Variants in SLCO6A1 observed in about 807,000 individuals in gnomAD.
SLCO6A1 encodes solute carrier organic anion transporter family member 6A1, also known as cancer/testis antigen 48.
A neutral mutation model predicts 72.7 loss-of-function variants in SLCO6A1; 65 were observed. That is an observed-to-expected ratio of 0.89 (90% confidence interval 0.73 to 1.10). The LOEUF (loss-of-function observed/expected upper bound fraction) is 1.10, where lower values mean the gene tolerates loss of function less well. Ranked by LOEUF, SLCO6A1 falls within the 50% of genes least tolerant of loss-of-function variation. The probability of loss-of-function intolerance (pLI) is 0.00; values close to 1 mark genes in which losing one functional copy is unlikely to be tolerated. For missense variants in SLCO6A1, 874 were observed against 872.6 expected (o/e 1.00, Z -0.02); for synonymous variants, 314 against 298.2 (o/e 1.05, Z -0.55).
At chr5:102,457,565 C>T (rs1299521471) in intron 6 of SLCO6A1, among the ~76,000 whole-genome samples, 4 of 152,176 alleles carry the variant, frequency 2.6e-5, no homozygotes, top group Non-Finnish European at 5.9e-5. Context: ...CCATCACACA[C>T]CAGTTAGAAT....
chr5:102,448,334 G>A (rs2112715054), intron 6 of SLCO6A1, among the ~76,000 whole-genome samples: 1 of 152,312 alleles, frequency 6.6e-6, no homozygotes, highest in Non-Finnish European at 1.5e-5. Context: ...CAGATGAGAA[G>A]AATGTATATT....
In SLCO6A1 at chr5:102,373,369, C is replaced by T. The variant is rs372939815; in HGVS notation, c.2143G>A (p.Glu715Lys). Residue 715 changes from glutamate to lysine, a missense_variant, in exon 13 of 14, where the codon GAA becomes AAA. Glu to Lys is a moderately conservative substitution (Grantham distance 56, BLOSUM62 1). Coordinates refer to ENST00000506729, the MANE Select transcript of SLCO6A1 (RefSeq NM_173488.5). ...TGATCCAGTTACAAGTCAGTTTCTT[C>T]TTTTTTCTTAACTTTTGGATTCTTC... ...TVKNPKVKKK[E>K]ETDL The T allele has an allele frequency of 1.3e-6, 2 of 1,563,354 alleles. No individual in the cohort carries two copies. Among genetic ancestry groups the T allele is most frequent in the Non-Finnish European group, 1.7e-6 (2 of 1,159,480 alleles).
chr5:102,437,946 CT>C (rs1561461272), intron 7 of SLCO6A1, among the ~76,000 whole-genome samples: 1 of 152,098 alleles, frequency 6.6e-6, no homozygotes, highest in African/African-American at 2.4e-5. Flanking sequence ...TTTGCAACCT[CT>C]TTTGGAGAGC....
chr5:102,379,773 CAAAAAA>C (rs10672287), intron 12 of SLCO6A1, among the ~76,000 whole-genome samples: 2 of 141,020 alleles, frequency 1.4e-5, no homozygotes, highest in East Asian at 4.1e-4. Flanking sequence ...TTGTCAATTT[CAAAAAA>C]AAAAAAAAAA....
intron 12 of SLCO6A1, among the ~76,000 whole-genome samples, chr5:102,375,167 A>C (rs915347861): frequency 2.6e-5 from 4 of 152,316 alleles, no homozygotes; most frequent in African/African-American, 9.6e-5. Flanking sequence ...TCAAACAAAT[A>C]GCAAGACATA....
chr5:102,387,646 C>A (rs1002797698), intron 12 of SLCO6A1, among the ~76,000 whole-genome samples: 2 of 152,210 alleles, frequency 1.3e-5, no homozygotes, highest in East Asian at 3.9e-4. Context: ...TTGCTCTATA[C>A]TTTTATCAAA....
At chr5:102,391,857 AAAGAATG>A in intron 10 of SLCO6A1, among the ~76,000 whole-genome samples, 1 of 91,408 alleles carries the variant, frequency 1.1e-5, no homozygotes, top group African/African-American at 3.9e-5. Flanking sequence ...TTCCAAATAT[AAAGAATG>A]AAGATCTGTT....
chr5:102,462,015 G>A (rs1416735790), intron 4 of SLCO6A1, among the ~76,000 whole-genome samples: 2 of 152,092 alleles, frequency 1.3e-5, no homozygotes, highest in Non-Finnish European at 2.9e-5. Flanking sequence ...ACTGATGAAT[G>A]AATTCAGTAA....
chr5:102,421,228 T>C (rs1748582504), intron 7 of SLCO6A1, among the ~76,000 whole-genome samples: 1 of 151,988 alleles, frequency 6.6e-6, no homozygotes, highest in South Asian at 2.1e-4. Flanking sequence ...CAGGAGTTTT[T>C]TTTTTTCATA....
At chr5:102,491,290 C>A (rs1319692434) in intron 1 of SLCO6A1, among the ~76,000 whole-genome samples, 1 of 152,216 alleles carries the variant, frequency 6.6e-6, no homozygotes, top group Non-Finnish European at 1.5e-5. Context: ...TAAAGGTTCT[C>A]CAAGTTCCCA....
chr5:102,462,952 CA>C (rs1751117941), intron 4 of SLCO6A1, among the ~76,000 whole-genome samples: 1 of 152,100 alleles, frequency 6.6e-6, no homozygotes, highest in Non-Finnish European at 1.5e-5. Context: ...AGCTTCTGCA[CA>C]GCAAAAGAAA....
rs1750654109 is a variant in SLCO6A1, at chr5:102,372,086, C to A, written c.*53G>T. 1 of 151,984 alleles carries A rather than the reference C, an allele frequency of 6.6e-6. No individual in the cohort carries two copies. The highest frequency in any genetic ancestry group is 2.4e-5 in the African/African-American group (1 of 41,426). 9.4% of individuals were successfully genotyped at this position (151,984 alleles called of 1,614,324 possible). ...TCTTGGAGAATCTGTAAAAGAGAAA[C>A]TCGTTTTCACACTCTGATCCTCAAA... On this transcript the variant is annotated 3_prime_UTR_variant, in exon 14 of 14. Coordinates refer to ENST00000506729, the MANE Select transcript of SLCO6A1 (RefSeq NM_173488.5).
At position 102,466,205 on chromosome 5, in the gene SLCO6A1, G is replaced by T. The variant is rs568833772; in HGVS notation, c.900-6428C>A. On this transcript the variant is annotated intron_variant, in intron 4 of 13. Coordinates refer to ENST00000506729, the MANE Select transcript of SLCO6A1 (RefSeq NM_173488.5). ...ACCCTCTGCCCTCCAGTAGGCCACA[G>T]CTATTTTTCCTATCTATGTATCTAT... Among the ~76,000 whole-genome samples the T allele has an allele frequency of 2.6e-5, 4 of 151,916 alleles. No individual in the cohort carries two copies. The South Asian group carries it at 8.3e-4, about 32-fold the overall frequency.
chr5:102,496,751 G>A (rs943875437), intron 1 of SLCO6A1, among the ~76,000 whole-genome samples: 24 of 152,100 alleles, frequency 1.6e-4, no homozygotes, highest in Non-Finnish European at 2.9e-5. Flanking sequence ...TCACTAAGGA[G>A]ACATGATGGA....
chr5:102,429,221 C>T (rs894577600), intron 7 of SLCO6A1, among the ~76,000 whole-genome samples: 3 of 152,094 alleles, frequency 2.0e-5, no homozygotes, highest in Non-Finnish European at 2.9e-5. Context: ...CAGATGCTTA[C>T]CTTGGAAATA....
intron 7 of SLCO6A1, among the ~76,000 whole-genome samples, chr5:102,426,207 G>A (rs1175149051): frequency 6.6e-6 from 1 of 152,038 alleles, no homozygotes; most frequent in Non-Finnish European, 1.5e-5. Flanking sequence ...ACATAGGCAT[G>A]GGCAAAGACT....
At chr5:102,417,031 T>C (rs766941322) in intron 8 of SLCO6A1, among the ~76,000 whole-genome samples, 2 of 152,184 alleles carry the variant, frequency 1.3e-5, no homozygotes, top group African/African-American at 2.4e-5. Flanking sequence ...TTGCTCTACA[T>C]GCAGTTAATA....
Position 102,374,458 on chromosome 5 carries a change from C to G in SLCO6A1, c.2018-964G>C, listed in dbSNP as rs116278366. ...TGGGACTACAGGTGGTGACACCACACCTGGCTAATTTTTTAGAAATGGGAT... is the reference window on the plus strand; with the variant it reads ...TGGGACTACAGGTGGTGACACCACAGCTGGCTAATTTTTTAGAAATGGGAT... On this transcript the variant is annotated intron_variant, in intron 12 of 13. Transcript: ENST00000506729. Among the ~76,000 whole-genome samples, 836 of 152,232 alleles carry G rather than the reference C, an allele frequency of 5.5e-3. 4 individuals are homozygous for G. Among genetic ancestry groups the G allele is most frequent in the African/African-American group, 0.019 (803 of 41,558 alleles).
At chr5:102,488,582 G>A (rs751211105) in intron 1 of SLCO6A1, among the ~76,000 whole-genome samples, 4 of 152,148 alleles carry the variant, frequency 2.6e-5, no homozygotes, top group Admixed American at 2.0e-4. Flanking sequence ...AAAGCATAAA[G>A]AGCTAACTAA....
Sources: allele counts gnomAD v4.1 joint callset (sites outside exome capture counted in the v4.1 genomes callset), GRCh38; gene constraint gnomAD v4.1.1; transcripts MANE v1.5; gene names NCBI Gene and HGNC (gene_info 2026-07-23, HGNC 2026-07-21).